BCAT1: variants seen among roughly 807,000 people sequenced by gnomAD.
The protein encoded by BCAT1 is branched-chain-amino-acid aminotransferase, cytosolic.
Under a neutral mutation model 52.4 loss-of-function variants are expected in BCAT1, and 48 were observed. The observed-to-expected ratio is 0.92, with a 90% CI of 0.73 to 1.16. The LOEUF (loss-of-function observed/expected upper bound fraction) is 1.16, where lower values mean the gene tolerates loss of function less well. Ranked by LOEUF, BCAT1 falls within the 50% of genes most tolerant of loss-of-function variation. The probability of loss-of-function intolerance (pLI) is 0.00; values close to 1 mark genes in which losing one functional copy is unlikely to be tolerated. For synonymous variants in BCAT1, 167 were observed against 161.3 expected, an observed-to-expected ratio of 1.04 and a Z score of -0.27; for missense variants, 451 against 457.1, an observed-to-expected ratio of 0.99 and a Z score of 0.12.
In BCAT1 at chr12:24,815,825, T is replaced by A. The variant is rs896770210; in HGVS notation, c.*2183A>T. On this transcript the variant is annotated 3_prime_UTR_variant, in exon 11 of 11. Coordinates refer to ENST00000261192, the MANE Select transcript of BCAT1 (RefSeq NM_005504.7). ...TGGACAAGTCTCGCCACAATAAATT[T>A]GGAGATGCAAAGTATAAAATGTGTT... 6.6e-6 allele frequency: 1 copy of A among 152,230 alleles called. No homozygotes were observed. Among genetic ancestry groups the A allele is most frequent in the Non-Finnish European group, 1.5e-5 (1 of 68,040 alleles). The allele number at this position is 152,230 out of a possible 1,614,324, so 9.4% of individuals were successfully genotyped here.
chr12:24,937,864 A>G (rs1943787405), intron 1 of BCAT1, among the ~76,000 whole-genome samples: 1 of 152,232 alleles, frequency 6.6e-6, no homozygotes. Flanking sequence ...TAGATGTAAG[A>G]TAGGTCTTGG....
Position 24,849,843 on chromosome 12 carries a change from GC to G in BCAT1, c.616del (p.Ala206ProfsTer6). The G allele has an allele frequency of 1.2e-6, 2 of 1,613,534 alleles. No individual in the cohort carries two copies. The highest frequency in any genetic ancestry group is 1.7e-6 in the Non-Finnish European group (2 of 1,179,686). On this transcript the variant is annotated frameshift_variant, in exon 6 of 11. Transcript: ENST00000261192. LOFTEE classifies it high-confidence loss of function. ...SGTFNPVSLW[A>X]NPKYVRAWKG... Reference sequence around the variant, plus strand: ...CCAGGCTCTTACATACTTGGGATTGGCCCACAGGGACACTGGATTAAAGGTT... The same window carrying G: ...CCAGGCTCTTACATACTTGGGATTGGCCACAGGGACACTGGATTAAAGGTT...
intron 3 of BCAT1, among the ~76,000 whole-genome samples, chr12:24,883,702 G>A (rs995395053): frequency 6.6e-6 from 1 of 152,224 alleles, no homozygotes; most frequent in East Asian, 1.9e-4. Flanking sequence ...TTGGCACCAG[G>A]GACCAGTTTT....
In BCAT1 at chr12:24,941,021, G is replaced by A. The variant is rs181411375; in HGVS notation, c.6+7906C>T. Reference sequence around the variant, plus strand: ...AAGAAAAACATGTTGAACAGTATTGGAATTGGTTAAGATTCCCAAACACAT... The same window carrying A: ...AAGAAAAACATGTTGAACAGTATTGAAATTGGTTAAGATTCCCAAACACAT... On this transcript the variant is annotated intron_variant, in intron 1 of 10. Transcript: ENST00000261192. 7.6e-4 allele frequency among the ~76,000 whole-genome samples: 115 copies of A among 152,280 alleles called. 1 individual carries two copies. The highest frequency in any genetic ancestry group is 1.8e-3 in the Admixed American group (27 of 15,294).
At chr12:24,874,701 G>A (rs1331340996) in intron 5 of BCAT1, among the ~76,000 whole-genome samples, 10 of 152,214 alleles carry the variant, frequency 6.6e-5, no homozygotes, top group African/African-American at 2.4e-4. Flanking sequence ...TGGAGAGTTT[G>A]TTGAATGCAG....
At chr12:24,872,965 T>C (rs948734577) in intron 5 of BCAT1, among the ~76,000 whole-genome samples, 7 of 152,234 alleles carry the variant, frequency 4.6e-5, no homozygotes, top group African/African-American at 1.7e-4. Flanking sequence ...TGCATATTTC[T>C]GCTATTGACT....
chr12:24,878,422 T>C (rs989839992), intron 5 of BCAT1, 108 bp downstream of exon 5: 1 of 986,642 alleles, frequency 1.0e-6, no homozygotes, highest in Admixed American at 3.5e-5. Context: ...AAGTCATTAA[T>C]GATGCTACTG....
intron 10 of BCAT1, among the ~76,000 whole-genome samples, chr12:24,824,924 G>A (rs1478608004): frequency 1.3e-5 from 2 of 151,044 alleles, no homozygotes; most frequent in Non-Finnish European, 2.9e-5. Flanking sequence ...TCCCCTTCTC[G>A]GCCTCTGGTA....
chr12:24,880,695 T>C (rs994144745), intron 4 of BCAT1, among the ~76,000 whole-genome samples: 3 of 152,214 alleles, frequency 2.0e-5, no homozygotes, highest in African/African-American at 7.2e-5. Flanking sequence ...ATTAATTTCA[T>C]GTGGTCTTCA....
chr12:24,856,953 G>A (rs1221338479), intron 5 of BCAT1, among the ~76,000 whole-genome samples: 1 of 152,078 alleles, frequency 6.6e-6, no homozygotes, highest in East Asian at 1.9e-4. Flanking sequence ...CCATCCAGAG[G>A]GTGTGAATTT....
At chr12:24,883,238 A>G (rs1942554099) in intron 3 of BCAT1, among the ~76,000 whole-genome samples, 1 of 152,190 alleles carries the variant, frequency 6.6e-6, no homozygotes, top group South Asian at 2.1e-4. Context: ...GTGAACCAAG[A>G]TCACGCTGCT....
intron 6 of BCAT1, among the ~76,000 whole-genome samples, chr12:24,844,646 C>T (rs1040282148): frequency 6.6e-6 from 1 of 151,684 alleles, no homozygotes; most frequent in Non-Finnish European, 1.5e-5. Context: ...CGCCTGTAAT[C>T]CCAGCACTTT....
intron 1 of BCAT1, chr12:24,902,815 G>C: frequency 7.7e-7 from 1 of 1,295,020 alleles, no homozygotes; most frequent in Non-Finnish European, 1.0e-6. Context: ...CGCCTCGCTG[G>C]AGGCGGAATG....
At chr12:24,892,585 G>T (rs11047690) in intron 3 of BCAT1, among the ~76,000 whole-genome samples, 13,558 of 152,222 alleles carry the variant, frequency 0.089, 756 homozygotes, top group Middle Eastern at 0.16. Context: ...AGGAGCAGTG[G>T]CTCATGGCTG....
chr12:24,867,954 G>A (rs1446124812), intron 5 of BCAT1, among the ~76,000 whole-genome samples: 5 of 152,196 alleles, frequency 3.3e-5, no homozygotes, highest in East Asian at 3.9e-4. Flanking sequence ...GCAGTGAGCC[G>A]AGATTGCACC....
Position 24,814,192 on chromosome 12 carries a change from A to T in BCAT1, c.*3816T>A, listed in dbSNP as rs1274340186. ...AGTTTTTGCATATCCGCATAAGAAG[A>T]AATCCACATTACAAGGAAAAGTACT... On this transcript the variant is annotated 3_prime_UTR_variant, in exon 11 of 11. Coordinates refer to ENST00000261192, the MANE Select transcript of BCAT1 (RefSeq NM_005504.7). 1 of 152,166 alleles carries T rather than the reference A, an allele frequency of 6.6e-6. No individual in the cohort carries two copies. Among genetic ancestry groups the T allele is most frequent in the Non-Finnish European group, 1.5e-5 (1 of 67,992 alleles). 9.4% of individuals were successfully genotyped at this position (152,166 alleles called of 1,614,324 possible). A position where few individuals can be genotyped will look rare whatever the true frequency, so the allele number is the denominator to read the frequency against.
intron 1 of BCAT1, among the ~76,000 whole-genome samples, chr12:24,922,024 C>T (rs1395119301): frequency 6.6e-6 from 1 of 152,172 alleles, no homozygotes; most frequent in African/African-American, 2.4e-5. Flanking sequence ...AATGAAAGAA[C>T]TAGGGGTCCT....
At chr12:24,878,139 G>A (rs554736404) in intron 5 of BCAT1, among the ~76,000 whole-genome samples, 6 of 148,646 alleles carry the variant, frequency 4.0e-5, no homozygotes, top group South Asian at 2.1e-4. Context: ...AAGCGACAAC[G>A]TGGGCAAAAA....
intron 3 of BCAT1, among the ~76,000 whole-genome samples, chr12:24,893,076 C>CA (rs1942883978): frequency 1.3e-5 from 2 of 152,122 alleles, no homozygotes; most frequent in African/African-American, 4.8e-5. Context: ...GAGTTAATTG[C>CA]AAAAGCATCC....
Sources: allele counts gnomAD v4.1 joint callset (sites outside exome capture counted in the v4.1 genomes callset), GRCh38; gene constraint gnomAD v4.1.1; transcripts MANE v1.5; gene names NCBI Gene and HGNC (gene_info 2026-07-23, HGNC 2026-07-21).